SAMD12: variants seen among roughly 807,000 people sequenced by gnomAD.
SAMD12 encodes the protein sterile alpha motif domain-containing protein 12.
In SAMD12, 9 loss-of-function variants were observed where a neutral mutation model predicts 15.0. The observed-to-expected ratio is 0.60, with a 90% CI of 0.36 to 1.05. SAMD12 has a LOEUF of 1.05. Among genes scored for constraint, SAMD12 ranks in the 50% least tolerant of loss-of-function variants. The pLI, the probability that SAMD12 is intolerant of heterozygous loss-of-function variation, is 0.01. For missense variants in SAMD12, 230 were observed against 234.2 expected, an observed-to-expected ratio of 0.98 and a Z score of 0.12; for synonymous variants, 86 against 90.1, an observed-to-expected ratio of 0.96 and a Z score of 0.25.
the SAMD12 span, among the ~76,000 whole-genome samples, chr8:118,148,175 T>G: frequency 1.5e-4 from 23 of 151,886 alleles, no homozygotes; most frequent in African/African-American, 5.6e-4. Flanking sequence ...AGTGATCCAC[T>G]CCCCTAGGCC....
intron 4 of SAMD12, among the ~76,000 whole-genome samples, chr8:118,343,555 T>G (rs5027737): frequency 0.18 from 26,854 of 151,828 alleles, 2,647 homozygotes; most frequent in Non-Finnish European, 0.24. Context: ...AGGGGCTGGG[T>G]TGGGATTAGG....
intron 3 of SAMD12, among the ~76,000 whole-genome samples, chr8:118,415,793 A>C (rs907368348): frequency 1.3e-5 from 2 of 152,186 alleles, no homozygotes; most frequent in Non-Finnish European, 2.9e-5. Flanking sequence ...AAGTCAAATA[A>C]GCAAACCTCC....
intron 4 of SAMD12, among the ~76,000 whole-genome samples, chr8:118,336,924 C>A (rs1015833326): frequency 1.3e-5 from 2 of 152,186 alleles, no homozygotes; most frequent in Non-Finnish European, 2.9e-5. Flanking sequence ...GAAAACCAAA[C>A]ACTGCATGTT....
At chr8:118,510,487 G>A (rs1400505595) in intron 2 of SAMD12, among the ~76,000 whole-genome samples, 2 of 152,166 alleles carry the variant, frequency 1.3e-5, no homozygotes, top group African/African-American at 4.8e-5. Context: ...CCATGAAGTA[G>A]GTTTATAATT....
chr8:118,287,643 T>C (rs1425731957), intron 4 of SAMD12, among the ~76,000 whole-genome samples: 1 of 152,162 alleles, frequency 6.6e-6, no homozygotes, highest in Non-Finnish European at 1.5e-5. Flanking sequence ...TACCAATTTG[T>C]AATTAAGAGG....
intron 2 of SAMD12, among the ~76,000 whole-genome samples, chr8:118,564,363 A>G (rs1826791345): frequency 6.6e-6 from 1 of 152,202 alleles, no homozygotes; most frequent in South Asian, 2.1e-4. Flanking sequence ...AAGTAAACGG[A>G]AGCAGTGGCT....
chr8:118,424,588 T>C (rs1405393394), intron 3 of SAMD12, among the ~76,000 whole-genome samples: 3 of 152,170 alleles, frequency 2.0e-5, no homozygotes, highest in African/African-American at 7.2e-5. Context: ...ACAGTTAATA[T>C]GGGAATTGAA....
chr8:118,448,317 A>G (rs1327774981), intron 2 of SAMD12, among the ~76,000 whole-genome samples: 1 of 152,192 alleles, frequency 6.6e-6, no homozygotes, highest in African/African-American at 2.4e-5. Context: ...TCTCTCCATC[A>G]TAAGTATCAT....
At chr8:118,443,211 C>T (rs1184112165) in intron 2 of SAMD12, among the ~76,000 whole-genome samples, 1 of 152,194 alleles carries the variant, frequency 6.6e-6, no homozygotes, top group African/African-American at 2.4e-5. Flanking sequence ...TGCCTGTAAT[C>T]TCAGCACTTT....
chr8:118,265,465 G>T (rs1468934312), intron 4 of SAMD12, among the ~76,000 whole-genome samples: 1 of 152,028 alleles, frequency 6.6e-6, no homozygotes, highest in Non-Finnish European at 1.5e-5. Context: ...AGGATGAATG[G>T]AGGTGAATAC....
intron 1 of SAMD12, among the ~76,000 whole-genome samples, chr8:118,591,885 T>C (rs2131280798): frequency 6.6e-6 from 1 of 152,054 alleles, no homozygotes; most frequent in East Asian, 1.9e-4. Flanking sequence ...GACAGTTGGG[T>C]ATTTTGGGAG....
downstream of SAMD12, among the ~76,000 whole-genome samples, chr8:118,185,350 A>G (rs1586321407): frequency 6.6e-6 from 1 of 152,154 alleles, no homozygotes; most frequent in African/African-American, 2.4e-5. Context: ...AGCAGTGTAA[A>G]CTGTACCCAA....
At chr8:118,554,158 T>G (rs1420279159) in intron 2 of SAMD12, among the ~76,000 whole-genome samples, 1 of 152,140 alleles carries the variant, frequency 6.6e-6, no homozygotes, top group Non-Finnish European at 1.5e-5. Context: ...AGAAATACCA[T>G]TTGACCCAGA....
intron 2 of SAMD12, among the ~76,000 whole-genome samples, chr8:118,485,618 C>CA (rs1216541152): frequency 8.5e-5 from 13 of 152,154 alleles, no homozygotes; most frequent in Non-Finnish European, 1.9e-4. Flanking sequence ...ATTTTGCCTT[C>CA]AGCTAGCAAC....
At chr8:118,228,516 G>A (rs918210696) in intron 4 of SAMD12, among the ~76,000 whole-genome samples, 4 of 152,034 alleles carry the variant, frequency 2.6e-5, no homozygotes, top group Non-Finnish European at 5.9e-5. Context: ...TACACAAATG[G>A]CCAATAAACA....
chr8:118,189,946 G>GAAAAAAAAA (rs895075538), exon 5 of SAMD12: 6 of 69,044 alleles, frequency 8.7e-5, no homozygotes, highest in African/African-American at 2.2e-4. Flanking sequence ...ATGCACAGAG[G>GAAAAAAAAA]AAAAAAAAAA....
intron 3 of SAMD12, among the ~76,000 whole-genome samples, chr8:118,405,629 A>C (rs1821091862): frequency 6.6e-6 from 1 of 151,892 alleles, no homozygotes; most frequent in Admixed American, 6.5e-5. Flanking sequence ...ATTGAGCTGT[A>C]CCTAAGATTT....
At chr8:118,446,865 A>G (rs1458085098) in intron 2 of SAMD12, among the ~76,000 whole-genome samples, 1 of 152,150 alleles carries the variant, frequency 6.6e-6, no homozygotes, top group Non-Finnish European at 1.5e-5. Context: ...ATCCAAAACT[A>G]TACCTCCAGC....
chr8:118,369,968 G>A (rs566878326), intron 4 of SAMD12, among the ~76,000 whole-genome samples: 16 of 152,244 alleles, frequency 1.1e-4, no homozygotes, highest in South Asian at 6.2e-4. Context: ...TATCATCAGA[G>A]TGAACAGAAA....
Sources: gnomAD v4.1 joint callset for allele counts (sites outside exome capture counted in the v4.1 genomes callset) on GRCh38, gnomAD v4.1.1 for gene constraint, MANE v1.5 for transcripts, NCBI Gene and HGNC (gene_info 2026-07-23, HGNC 2026-07-21) for gene names.